The following ASPRV1 variants were observed in gnomAD, a reference collection of about 807,000 sequenced individuals.
The protein encoded by ASPRV1 is retroviral-like aspartic protease 1.
Under a neutral mutation model 11.0 loss-of-function variants are expected in ASPRV1, and 7 were observed. The ratio of observed to expected loss-of-function variants is 0.64; its 90% CI spans 0.36 to 1.20. The LOEUF is 1.20. Ranked by LOEUF, ASPRV1 falls within the 50% of genes most tolerant of loss-of-function variation. The probability of loss-of-function intolerance (pLI) is 0.02; values close to 1 mark genes in which losing one functional copy is unlikely to be tolerated. For missense variants in ASPRV1, 299 were observed against 320.0 expected (o/e 0.93, Z 0.50); for synonymous variants, 136 against 138.4 (o/e 0.98, Z 0.12).
At chr2:69,945,703 G>A in the ASPRV1 span, among the ~76,000 whole-genome samples, 1 of 152,194 alleles carries the variant, frequency 6.6e-6, no homozygotes, top group Non-Finnish European at 1.5e-5. Context: ...GGATGTAATG[G>A]GACAGGCGAA....
At chr2:70,061,570 G>C in the ASPRV1 span, among the ~76,000 whole-genome samples, 5 of 152,076 alleles carry the variant, frequency 3.3e-5, no homozygotes, top group African/African-American at 1.2e-4. Context: ...GGGAAGAAGG[G>C]GCCTGGGATG....
the ASPRV1 span, chr2:70,081,491 C>CA: frequency 7.6e-6 from 1 of 131,196 alleles, no homozygotes; most frequent in Non-Finnish European, 1.5e-5. Context: ...AAGACTCCAT[C>CA]TTAAAAAAAA....
the ASPRV1 span, among the ~76,000 whole-genome samples, chr2:69,969,360 C>T: frequency 1.3e-5 from 2 of 152,176 alleles, no homozygotes; most frequent in African/African-American, 2.4e-5. Context: ...GGGACATTGG[C>T]GGTTCCCCGA....
chr2:69,970,357 A>G, the ASPRV1 span, among the ~76,000 whole-genome samples: 1 of 152,050 alleles, frequency 6.6e-6, no homozygotes, highest in Non-Finnish European at 1.5e-5. Context: ...AAATTCCTCC[A>G]TGGCTCTTCA....
the ASPRV1 span, among the ~76,000 whole-genome samples, chr2:70,022,323 G>A: frequency 3.4e-5 from 5 of 146,382 alleles, no homozygotes; most frequent in Non-Finnish European, 7.5e-5. Context: ...CCTAATACAT[G>A]TTGTCTTAAG....
the ASPRV1 span, among the ~76,000 whole-genome samples, chr2:70,022,771 T>C: frequency 6.6e-6 from 1 of 152,094 alleles, no homozygotes; most frequent in Non-Finnish European, 1.5e-5. Flanking sequence ...CATGGGTGTA[T>C]GCACATGTTC....
At chr2:69,938,444 T>C in the ASPRV1 span, 21 of 697,858 alleles carry the variant, frequency 3.0e-5, no homozygotes, top group Non-Finnish European at 4.5e-5. Flanking sequence ...CTTAGGATTG[T>C]GGGTTTCTGA....
chr2:69,966,056 C>A (rs1011680711), upstream of ASPRV1, among the ~76,000 whole-genome samples: 1 of 152,224 alleles, frequency 6.6e-6, no homozygotes, highest in South Asian at 2.1e-4. Flanking sequence ...CAGCAAAATG[C>A]TTAATGCAAG....
At chr2:70,082,990 C>G in the ASPRV1 span, among the ~76,000 whole-genome samples, 1 of 152,148 alleles carries the variant, frequency 6.6e-6, no homozygotes, top group Admixed American at 6.5e-5. Context: ...TCCCTGCCCC[C>G]AGAGAACATA....
the ASPRV1 span, among the ~76,000 whole-genome samples, chr2:69,978,633 C>G: frequency 6.6e-6 from 1 of 152,210 alleles, no homozygotes; most frequent in Non-Finnish European, 1.5e-5. Flanking sequence ...CAAGGCATGA[C>G]AAGGTTAAGA....
the ASPRV1 span, chr2:70,011,664 A>G: frequency 7.7e-3 from 1,177 of 152,466 alleles, 18 homozygotes; most frequent in African/African-American, 0.028. Context: ...CCTGTAAAGC[A>G]TATAGGTGGA....
the ASPRV1 span, among the ~76,000 whole-genome samples, chr2:69,945,640 G>A: frequency 2.4e-3 from 361 of 152,342 alleles, 2 homozygotes; most frequent in African/African-American, 7.4e-3. Flanking sequence ...TGAAGCTTCC[G>A]GGAGCCTCCC....
At chr2:70,038,277 T>G in the ASPRV1 span, among the ~76,000 whole-genome samples, 1 of 152,130 alleles carries the variant, frequency 6.6e-6, no homozygotes, top group South Asian at 2.1e-4. Context: ...CTGGGCAGAG[T>G]GGCTCATGCT....
the ASPRV1 span, among the ~76,000 whole-genome samples, chr2:69,989,172 T>A: frequency 6.6e-6 from 1 of 152,154 alleles, no homozygotes; most frequent in Non-Finnish European, 1.5e-5. Context: ...AGTTTTCAGA[T>A]TTCTGGCTCC....
the ASPRV1 span, among the ~76,000 whole-genome samples, chr2:69,989,234 A>G: frequency 1.3e-5 from 2 of 152,236 alleles, no homozygotes; most frequent in African/African-American, 2.4e-5. Context: ...GGTCTTGCCC[A>G]GGGTGGGGTA....
chr2:69,985,676 A>T, the ASPRV1 span, among the ~76,000 whole-genome samples: 217 of 152,330 alleles, frequency 1.4e-3, 1 homozygote, highest in African/African-American at 4.8e-3. Flanking sequence ...ACAAATGCAT[A>T]TGGGGCACTG....
the ASPRV1 span, chr2:70,054,046 G>C: frequency 6.6e-6 from 1 of 152,412 alleles, no homozygotes; most frequent in Admixed American, 6.5e-5. Context: ...AAAAATAAGA[G>C]GGCTCACCAG....
chr2:70,072,812 G>A, the ASPRV1 span, among the ~76,000 whole-genome samples: 5 of 151,276 alleles, frequency 3.3e-5, no homozygotes, highest in African/African-American at 1.2e-4. Context: ...AGCACTTCAG[G>A]AGGTCAAGGC....
the ASPRV1 span, among the ~76,000 whole-genome samples, chr2:70,059,098 T>C: frequency 9.4e-3 from 1,423 of 150,844 alleles, 29 homozygotes; most frequent in African/African-American, 0.033. Context: ...TTCACCACGT[T>C]AGCCAGGATG....
Sources: gnomAD v4.1 joint callset for allele counts (sites outside exome capture counted in the v4.1 genomes callset) on GRCh38, gnomAD v4.1.1 for gene constraint, MANE v1.5 for transcripts, NCBI Gene and HGNC (gene_info 2026-07-23, HGNC 2026-07-21) for gene names.